KMT2E: variants seen among roughly 807,000 people sequenced by gnomAD.
The protein encoded by KMT2E is histone reader KMT2E.
KMT2E carries 30 observed loss-of-function variants against 184.6 expected under a neutral mutation model. The ratio of observed to expected loss-of-function variants is 0.16; its 90% confidence interval spans 0.12 to 0.22. The LOEUF is 0.22. Among genes scored for constraint, KMT2E ranks in the 10% least tolerant of loss-of-function variants. KMT2E has a pLI of 1.00. For synonymous variants in KMT2E, 815 were observed against 776.5 expected (o/e 1.05, Z -0.82); for missense variants, 2,023 against 2,237.4 (o/e 0.90, Z 1.93).
Position 105,091,570 on chromosome 7 carries a change from A to G in KMT2E, c.1722+256A>G, listed in dbSNP as rs1489529577. ...ATTTTGGAAGTAATAATATTTTAAT[A>G]ATGCCACACTGAACTATTAATAAAT... On this transcript the variant is annotated intron_variant, in intron 15 of 26. Transcript: ENST00000311117. The G allele has an allele frequency of 2.7e-5, 15 of 564,938 alleles. No homozygotes were observed. In the Admixed American group the frequency reaches 5.0e-4, roughly 19 times the overall value. 35.0% of individuals were successfully genotyped at this position (564,938 alleles called of 1,614,324 possible). A position where few individuals can be genotyped will look rare whatever the true frequency, so the allele number is the denominator to read the frequency against.
intron 1 of KMT2E, among the ~76,000 whole-genome samples, chr7:105,035,904 T>C (rs1795634334): frequency 6.6e-6 from 1 of 152,156 alleles, no homozygotes; most frequent in Non-Finnish European, 1.5e-5. Context: ...CCCACGTTTG[T>C]GGTGTTTTAA....
At chr7:105,028,181 T>C (rs1161327006) in intron 1 of KMT2E, among the ~76,000 whole-genome samples, 2 of 152,060 alleles carry the variant, frequency 1.3e-5, no homozygotes, top group Non-Finnish European at 2.9e-5. Flanking sequence ...TTTTTTTTTT[T>C]TTTGTGAGAC....
chr7:105,031,973 C>T (rs1285711644), intron 1 of KMT2E, among the ~76,000 whole-genome samples: 8 of 138,194 alleles, frequency 5.8e-5, no homozygotes, highest in East Asian at 2.2e-4. Flanking sequence ...GAGGCTGAGG[C>T]GGGATAGTCT....
rs574485232 is a variant in KMT2E at position 105,070,738 on chromosome 7, G to A, written c.498-2881G>A. Among the ~76,000 whole-genome samples the A allele has an allele frequency of 5.5e-4, 84 of 151,730 alleles. 1 individual carries two copies. The highest frequency in any genetic ancestry group is 1.2e-3 in the Admixed American group (18 of 15,228). ...TGAGGCAGGAGGATTGCTTGAGCCC[G>A]GGAGGTTGAGGCTGCAGTGAGTTAT... On this transcript the variant is annotated intron_variant, in intron 6 of 26. Coordinates refer to ENST00000311117, the MANE Select transcript of KMT2E (RefSeq NM_182931.3).
At chr7:105,070,600 C>T (rs989838245) in intron 6 of KMT2E, among the ~76,000 whole-genome samples, 2 of 144,190 alleles carry the variant, frequency 1.4e-5, no homozygotes. Context: ...CACAGCTGCA[C>T]TCCGCCTGTG....
chr7:105,107,221 A>G lies in KMT2E; in HGVS notation c.2903A>G (p.Glu968Gly), dbSNP rs1405370660. 2 of 1,554,724 alleles carry G rather than the reference A, an allele frequency of 1.3e-6. No homozygotes were observed. Among genetic ancestry groups the G allele is most frequent in the Admixed American group, 1.9e-5 (1 of 51,930 alleles). Reference protein sequence around the residue: ...PEIKRRTYSQEGYDRSSTMLT... With the variant: ...PEIKRRTYSQGGYDRSSTMLT... ...ATAAAGAGACGCACTTATAGTCAAG[A>G]GGTAAGAAGTTAACTTAAAAAGGGT... is the stretch of plus-strand genomic sequence containing the variant. Residue 968 changes from glutamate (E) to glycine (G), a missense_variant and splice_region_variant, in exon 21 of 27, where the codon GAG (glutamate) becomes GGG (glycine). This residue lies in a region of KMT2E where 514 missense variants were observed against 621.8 expected (regional missense o/e 0.83). Coordinates refer to ENST00000311117, the MANE Select transcript of KMT2E (RefSeq NM_182931.3).
intron 1 of KMT2E, among the ~76,000 whole-genome samples, chr7:105,037,686 T>A (rs902710601): frequency 1.3e-5 from 2 of 152,280 alleles, no homozygotes; most frequent in Admixed American, 6.5e-5. Flanking sequence ...TTTAACACGG[T>A]CTTAAAGGCA....
At chr7:105,059,438 G>A (rs922743515) in intron 3 of KMT2E, among the ~76,000 whole-genome samples, 1 of 152,136 alleles carries the variant, frequency 6.6e-6, no homozygotes, top group South Asian at 2.1e-4. Context: ...AGGCAGTTTG[G>A]TAGTATCAGT....
At chr7:105,086,858 A>AATATATATTAGCATATATATGCT (rs1562918234) in intron 13 of KMT2E, among the ~76,000 whole-genome samples, 3 of 146,772 alleles carry the variant, frequency 2.0e-5, no homozygotes, top group Non-Finnish European at 4.5e-5. Flanking sequence ...TAGTATATAT[A>AATATATATTAGCATATATATGCT]ATATATATTA....
chr7:105,034,360 A>G (rs935983036), intron 1 of KMT2E, among the ~76,000 whole-genome samples: 2 of 152,038 alleles, frequency 1.3e-5, no homozygotes, highest in Non-Finnish European at 2.9e-5. Context: ...AATCTCCTGA[A>G]TAGTTAGGAC....
rs780521954 is a variant in KMT2E, at chr7:105,112,602, A to G, written c.4846A>G (p.Thr1616Ala). ...PGHFLPSQNP[T>A]IHHQTAAAVV... The stretch of plus-strand genomic sequence containing the variant: ...GCATTTTTTGCCCTCTCAGAACCCT[A>G]CCATTCACCATCAAACTGCTGCTGC... Residue 1616 changes from threonine to alanine, a missense_variant, in exon 27 of 27, where the codon ACC becomes GCC. By Grantham distance (58) the Thr-to-Ala change is moderately conservative. Coordinates refer to ENST00000311117, the MANE Select transcript of KMT2E (RefSeq NM_182931.3). The G allele has an allele frequency of 6.2e-7, 1 of 1,613,814 alleles. No homozygotes were observed. Among genetic ancestry groups the G allele is most frequent in the Non-Finnish European group, 8.5e-7 (1 of 1,179,918 alleles).
At chr7:105,098,683 A>G (rs1196949211) in intron 15 of KMT2E, among the ~76,000 whole-genome samples, 2 of 152,070 alleles carry the variant, frequency 1.3e-5, no homozygotes, top group African/African-American at 4.8e-5. Context: ...TTACAGGCAT[A>G]ATAAACCACT....
At chr7:105,100,201 A>G (rs1168797408) in intron 15 of KMT2E, among the ~76,000 whole-genome samples, 5 of 152,244 alleles carry the variant, frequency 3.3e-5, no homozygotes, top group African/African-American at 7.2e-5. Context: ...GTAACAAATT[A>G]GAAACTTAGA....
chr7:105,112,807 C>CCT lies in KMT2E; in HGVS notation c.5051_5052insCT (p.Gly1685LeufsTer28). The stretch of plus-strand genomic sequence containing the variant: ...CACTTACCCCCACCCCCACCCCCTC[C>CCT]TGGTCCTGCCCCTCATCACCATCCA... On this transcript the variant is annotated frameshift_variant, in exon 27 of 27. Coordinates refer to ENST00000311117, the MANE Select transcript of KMT2E (RefSeq NM_182931.3). LOFTEE classifies it high-confidence loss of function. The CCT allele has an allele frequency of 3.2e-6, 5 of 1,546,334 alleles. No individual in the cohort carries two copies. Among genetic ancestry groups the CCT allele is most frequent in the South Asian group, 1.1e-5 (1 of 88,396 alleles).
chr7:105,050,545 T>C (rs568721892), intron 3 of KMT2E, among the ~76,000 whole-genome samples: 6 of 152,246 alleles, frequency 3.9e-5, no homozygotes, highest in Non-Finnish European at 8.8e-5. Context: ...ACAGCTTCAC[T>C]TGGAATTCTT....
intron 13 of KMT2E, among the ~76,000 whole-genome samples, chr7:105,089,768 C>T (rs1798126491): frequency 6.6e-6 from 1 of 152,062 alleles, no homozygotes; most frequent in African/African-American, 2.4e-5. Flanking sequence ...TTAACCTGTA[C>T]CAGTTATACT....
intron 3 of KMT2E, among the ~76,000 whole-genome samples, chr7:105,045,839 T>G (rs1337022249): frequency 6.6e-6 from 1 of 152,236 alleles, no homozygotes; most frequent in Non-Finnish European, 1.5e-5. Context: ...CATAACATAA[T>G]TCCACATTTA....
Position 105,091,246 on chromosome 7 carries a change from A to G in KMT2E, c.1654A>G (p.Lys552Glu). 1 of 1,588,504 alleles carries G rather than the reference A, an allele frequency of 6.3e-7. No homozygotes were observed. Among genetic ancestry groups the G allele is most frequent in the Non-Finnish European group, 8.6e-7 (1 of 1,157,870 alleles). The change falls in exon 15 of 27, where the codon AAA becomes GAA. Residue 552 changes from lysine to glutamate, a missense_variant. Coordinates refer to ENST00000311117, the MANE Select transcript of KMT2E (RefSeq NM_182931.3). The part of the protein sequence containing the change: ...EPDFIDDIEE[K>E]TPISNEVEME... ...AGATTTTATTGATGATATAGAAGAA[A>G]AAACTCCTATTAGTAATGAAGTAGA...
At chr7:105,108,362 T>C (rs1799004278) in intron 22 of KMT2E, among the ~76,000 whole-genome samples, 1 of 152,250 alleles carries the variant, frequency 6.6e-6, no homozygotes, top group African/African-American at 2.4e-5. Flanking sequence ...TTTATTTTAC[T>C]AATAGTTAAT....
Sources: gnomAD v4.1 joint callset for allele counts (sites outside exome capture counted in the v4.1 genomes callset) on GRCh38, gnomAD v4.1.1 for gene constraint, gnomAD v4.1.1 regional missense constraint, MANE v1.5 for transcripts, NCBI Gene and HGNC (gene_info 2026-07-23, HGNC 2026-07-21) for gene names.